STK39: variants seen among roughly 807,000 people sequenced by gnomAD.
STK39 encodes STE20/SPS1-related proline-alanine-rich protein kinase.
STK39 carries 20 observed loss-of-function variants against 77.8 expected under a neutral mutation model. That is an observed-to-expected ratio of 0.26 (90% confidence interval 0.18 to 0.37). The LOEUF (loss-of-function observed/expected upper bound fraction) is 0.37. STK39 is among the 10% of genes least tolerant of loss of function. The pLI is 1.00. For missense variants in STK39, 479 were observed against 656.5 expected (o/e 0.73, Z 2.95); for synonymous variants, 246 against 234.1 (o/e 1.05, Z -0.47).
chr2:168,158,677 C>T (rs1032565252), intron 5 of STK39, among the ~76,000 whole-genome samples: 2 of 152,192 alleles, frequency 1.3e-5, no homozygotes, highest in African/African-American at 2.4e-5. Context: ...GCTTATTCTA[C>T]GTGTGACCTG....
At chr2:168,080,404 C>A (rs572166284) in intron 10 of STK39, among the ~76,000 whole-genome samples, 117 of 152,190 alleles carry the variant, frequency 7.7e-4, no homozygotes, top group African/African-American at 2.7e-3. Context: ...CCGAGGTGGG[C>A]AGATCACAAG....
chr2:167,976,232 T>C (rs960230067), intron 16 of STK39, among the ~76,000 whole-genome samples: 6 of 152,222 alleles, frequency 3.9e-5, no homozygotes. Flanking sequence ...GGATTTCACT[T>C]AGAAATAGAA....
chr2:168,205,159 G>T (rs1208464112), intron 1 of STK39, among the ~76,000 whole-genome samples: 1 of 152,144 alleles, frequency 6.6e-6, no homozygotes, highest in Non-Finnish European at 1.5e-5. Flanking sequence ...TAACTTTGCT[G>T]CATGTTTGAA....
chr2:168,084,449 C>T lies in STK39; in HGVS notation c.1090-9218G>A, dbSNP rs560225453. On this transcript the variant is annotated intron_variant, in intron 10 of 17. Transcript: ENST00000355999. Reference sequence around the variant, plus strand: ...TTTCTGAATGCCTGACACATAGCAACAGTGCGAGATAATGAAATGACTGTT... The same window carrying T: ...TTTCTGAATGCCTGACACATAGCAATAGTGCGAGATAATGAAATGACTGTT... Among the ~76,000 whole-genome samples, 290 of 152,272 alleles carry T rather than the reference C, an allele frequency of 1.9e-3. 3 individuals carry two copies. The highest frequency in any genetic ancestry group is 6.8e-3 in the African/African-American group (281 of 41,556).
At chr2:168,041,593 A>G (rs1242107661) in intron 14 of STK39, among the ~76,000 whole-genome samples, 1 of 152,216 alleles carries the variant, frequency 6.6e-6, no homozygotes, top group Non-Finnish European at 1.5e-5. Context: ...TAATGCTGCT[A>G]GTTACTCATC....
intron 5 of STK39, among the ~76,000 whole-genome samples, chr2:168,147,590 A>G (rs1045214145): frequency 6.9e-6 from 1 of 145,980 alleles, no homozygotes; most frequent in African/African-American, 2.5e-5. Context: ...CCCGGTACAC[A>G]TGGGTGTGCA....
chr2:167,974,886 G>C (rs1404097556), intron 16 of STK39, among the ~76,000 whole-genome samples: 1 of 152,016 alleles, frequency 6.6e-6, no homozygotes, highest in Non-Finnish European at 1.5e-5. Flanking sequence ...AGACTGACTG[G>C]GTTATAAAAC....
chr2:168,023,523 C>T (rs1254785484), intron 14 of STK39, among the ~76,000 whole-genome samples: 2 of 152,074 alleles, frequency 1.3e-5, no homozygotes, highest in South Asian at 2.1e-4. Context: ...TCTTAATGTA[C>T]CGTGTCAGGA....
At position 168,065,396 on chromosome 2, in the gene STK39, A is replaced by G. The variant is rs1574434404; in HGVS notation, c.1243-15T>C. On this transcript the variant is annotated splice_polypyrimidine_tract_variant and intron_variant, in intron 12 of 17. Transcript: ENST00000355999. The stretch of plus-strand genomic sequence containing the variant: ...CTCACTGCAATCTGTTACGAGAGCC[A>G]CCGTTACAGCATTCAAGAAAGCCAA... 6.2e-7 allele frequency: 1 copy of G among 1,613,902 alleles called. No homozygotes were observed.
intron 16 of STK39, among the ~76,000 whole-genome samples, chr2:167,989,054 C>G (rs1683633833): frequency 6.6e-6 from 1 of 152,138 alleles, no homozygotes; most frequent in Admixed American, 6.6e-5. Context: ...TTTTCTTTCT[C>G]CATATAGATA....
chr2:168,177,027 T>C (rs568948619), intron 2 of STK39, among the ~76,000 whole-genome samples: 1 of 152,094 alleles, frequency 6.6e-6, no homozygotes, highest in Non-Finnish European at 1.5e-5. Flanking sequence ...GTGAAACTGA[T>C]TTTTCCAGAA....
chr2:167,960,276 C>A (rs965143250), intron 17 of STK39, among the ~76,000 whole-genome samples: 1 of 152,130 alleles, frequency 6.6e-6, no homozygotes, highest in Non-Finnish European at 1.5e-5. Flanking sequence ...CACTTCTCCA[C>A]GATGAACCCT....
chr2:168,116,321 T>C (rs1020594422), intron 10 of STK39, among the ~76,000 whole-genome samples: 11 of 152,196 alleles, frequency 7.2e-5, no homozygotes, highest in African/African-American at 2.7e-4. Context: ...ATTTTGTATA[T>C]GTCTATATGT....
chr2:168,052,792 G>A (rs540073583), intron 14 of STK39, among the ~76,000 whole-genome samples: 2 of 152,260 alleles, frequency 1.3e-5, no homozygotes, highest in East Asian at 1.9e-4. Context: ...ATAAGCTTTC[G>A]AAGGAAGTAT....
chr2:167,978,147 G>A (rs908084966), intron 16 of STK39, among the ~76,000 whole-genome samples: 2 of 152,172 alleles, frequency 1.3e-5, no homozygotes, highest in African/African-American at 4.8e-5. Flanking sequence ...AATAGTGATG[G>A]TATTCCCAGG....
chr2:168,012,275 C>T (rs905561807), intron 16 of STK39, among the ~76,000 whole-genome samples: 2 of 151,858 alleles, frequency 1.3e-5, no homozygotes, highest in South Asian at 2.1e-4. Flanking sequence ...CAGGTTCAAG[C>T]GATTCTCCTG....
intron 16 of STK39, among the ~76,000 whole-genome samples, chr2:167,979,088 T>C (rs1319941073): frequency 6.6e-6 from 1 of 152,238 alleles, no homozygotes; most frequent in Non-Finnish European, 1.5e-5. Context: ...TCTTGATGAA[T>C]ACTTGGGTAT....
chr2:168,196,889 G>A (rs1291434750), intron 1 of STK39, among the ~76,000 whole-genome samples: 1 of 152,180 alleles, frequency 6.6e-6, no homozygotes, highest in Non-Finnish European at 1.5e-5. Flanking sequence ...CAGAGGCGGT[G>A]TGGCTGGTGC....
intron 10 of STK39, among the ~76,000 whole-genome samples, chr2:168,124,323 T>C (rs980609753): frequency 6.6e-6 from 1 of 152,174 alleles, no homozygotes; most frequent in Admixed American, 6.5e-5. Context: ...ATATGTTTTT[T>C]GGATGAGCAG....
Sources: allele counts gnomAD v4.1 joint callset (sites outside exome capture counted in the v4.1 genomes callset), GRCh38; gene constraint gnomAD v4.1.1; transcripts MANE v1.5; gene names NCBI Gene and HGNC (gene_info 2026-07-23, HGNC 2026-07-21).